NDE1: variants seen among roughly 807,000 people sequenced by gnomAD.
NDE1 encodes nuclear distribution protein nudE homolog 1.
A neutral mutation model predicts 43.4 loss-of-function variants in NDE1; 28 were observed. The observed-to-expected ratio is 0.65, with a 90% CI of 0.48 to 0.89. The LOEUF (loss-of-function observed/expected upper bound fraction) is 0.89. Among genes scored for constraint, NDE1 ranks in the 40% least tolerant of loss-of-function variants. The pLI, the probability that NDE1 is intolerant of heterozygous loss-of-function variation, is 0.00. For synonymous variants in NDE1, 184 were observed against 172.0 expected (o/e 1.07, Z -0.55); for missense variants, 441 against 434.1 (o/e 1.02, Z -0.14).
At chr16:15,703,941 T>TGTTTTG (rs1361697784) in intron 8 of NDE1, 1 of 1,613,164 alleles carries the variant, frequency 6.2e-7, no homozygotes, top group African/African-American at 1.3e-5. Flanking sequence ...TTTGTTTGTT[T>TGTTTTG]GTTTTGGTTT....
At chr16:15,694,380 C>G in intron 7 of NDE1, 124 bp downstream of exon 7, 3 of 1,536,508 alleles carry the variant, frequency 2.0e-6, no homozygotes, top group East Asian at 4.9e-5. Flanking sequence ...GGGTCTTGCT[C>G]TGTTGCTCAG....
At chr16:15,675,184 G>A (rs2037804084) in intron 3 of NDE1, among the ~76,000 whole-genome samples, 2 of 151,924 alleles carry the variant, frequency 1.3e-5, no homozygotes, top group Admixed American at 1.3e-4. Flanking sequence ...CAGTGTGCCT[G>A]CCTGCCCGCC....
chr16:15,715,331 TGTGTCACCTGGAGGTGGC>T, intron 8 of NDE1: 1 of 1,547,496 alleles, frequency 6.5e-7, no homozygotes, highest in Non-Finnish European at 8.9e-7. Flanking sequence ...TTGTAGCTGG[TGTGTCACCTGGAGGTGGC>T]ATCTTGAGTG....
At chr16:15,711,335 A>C (rs2039781237) in intron 8 of NDE1, 1 of 152,066 alleles carries the variant, frequency 6.6e-6, no homozygotes, top group East Asian at 1.9e-4. Flanking sequence ...TTATGATGTC[A>C]GAGAGAGTCT....
intron 6 of NDE1, among the ~76,000 whole-genome samples, chr16:15,693,454 A>G (rs1048419078): frequency 6.6e-6 from 1 of 152,146 alleles, no homozygotes; most frequent in African/African-American, 2.4e-5. Context: ...TATGTTAATT[A>G]ACTATATGGA....
At position 15,694,186 on chromosome 16, in the gene NDE1, G is replaced by C. The variant is rs755657937; in HGVS notation, c.725G>C (p.Gly242Ala). The C allele has an allele frequency of 5.6e-6, 9 of 1,612,844 alleles. No homozygotes were observed. The highest frequency in any genetic ancestry group is 3.3e-5 in the Admixed American group (2 of 59,982). The change falls in exon 7 of 9, where the codon GGG becomes GCG. Residue 242 changes from glycine to alanine, a missense_variant. Gly to Ala is a moderately conservative substitution (Grantham distance 60). Transcript: ENST00000396354. Reference sequence around the variant, plus strand: ...CCAGGCCTGGACGACTCCACCGGGGGGACCCCCCTCACACCTGCGGCCCGG... The same window carrying C: ...CCAGGCCTGGACGACTCCACCGGGGCGACCCCCCTCACACCTGCGGCCCGG... ...FRRGLDDSTG[G>A]TPLTPAARIS...
At chr16:15,716,961 C>T (rs1165546383) in intron 8 of NDE1, among the ~76,000 whole-genome samples, 3 of 152,234 alleles carry the variant, frequency 2.0e-5, no homozygotes, top group Non-Finnish European at 4.4e-5. Context: ...GGCCAGGAAC[C>T]AGCAGGGCAC....
intron 8 of NDE1, chr16:15,717,503 G>C (rs755056617): frequency 1.4e-6 from 1 of 739,630 alleles, no homozygotes; most frequent in Non-Finnish European, 2.2e-6. Context: ...CCACTCAAGA[G>C]CTTCTTCCAG....
intron 3 of NDE1, among the ~76,000 whole-genome samples, chr16:15,672,486 A>G (rs1249015674): frequency 1.3e-5 from 2 of 152,158 alleles, no homozygotes; most frequent in Non-Finnish European, 2.9e-5. Context: ...CCCTGCCACC[A>G]GCAAGTATTT....
chr16:15,687,339 T>G, intron 4 of NDE1, 36 bp from the exon 5 acceptor site: 1 of 1,613,908 alleles, frequency 6.2e-7, no homozygotes, highest in Non-Finnish European at 8.5e-7. Context: ...TGCTGCGGTT[T>G]GTCCTCTTGG....
intron 3 of NDE1, among the ~76,000 whole-genome samples, chr16:15,675,134 G>A (rs2037800922): frequency 1.3e-5 from 2 of 152,104 alleles, no homozygotes; most frequent in South Asian, 4.2e-4. Flanking sequence ...TCAAGGGGCA[G>A]GAGGTGGGAG....
intron 8 of NDE1, chr16:15,717,091 T>C: frequency 6.3e-7 from 1 of 1,589,822 alleles, no homozygotes; most frequent in Non-Finnish European, 8.6e-7. Context: ...TGACTCCTGC[T>C]GTCCATCACC....
intron 8 of NDE1, chr16:15,708,725 G>T: frequency 6.9e-7 from 1 of 1,447,434 alleles, no homozygotes; most frequent in Non-Finnish European, 9.5e-7. Flanking sequence ...AAAAATTGGG[G>T]TGGGCAGAGG....
intron 8 of NDE1, among the ~76,000 whole-genome samples, chr16:15,710,234 C>A (rs2151177945): frequency 6.6e-6 from 1 of 152,280 alleles, no homozygotes; most frequent in Non-Finnish European, 1.5e-5. Flanking sequence ...TAAAGAATCA[C>A]TGGGCCGGCC....
In NDE1 at chr16:15,667,236, A is replaced by T. The variant is rs749611297; in HGVS notation, c.84-50A>T. 2.6e-5 allele frequency: 42 copies of T among 1,603,238 alleles called. No homozygotes were observed. The East Asian group carries it at 7.6e-4, about 29-fold the overall frequency. On this transcript the variant is annotated intron_variant, in intron 2 of 8. Coordinates refer to ENST00000396354, the MANE Select transcript of NDE1 (RefSeq NM_017668.3). The stretch of plus-strand genomic sequence containing the variant: ...ATTGCAGCCTGGGTGATAGAGCGAG[A>T]CTCTGTCTTCAAAAATATTACTACG...
intron 7 of NDE1, chr16:15,694,987 A>C: frequency 3.5e-6 from 3 of 852,858 alleles, no homozygotes; most frequent in Non-Finnish European, 4.2e-6. Flanking sequence ...CCCGGGCAAC[A>C]TGGTGAAACC....
At chr16:15,646,996 G>A (rs1396027759), upstream of NDE1, among the ~76,000 whole-genome samples, 2 of 152,106 alleles carry the variant, frequency 1.3e-5, no homozygotes, top group Non-Finnish European at 2.9e-5. Context: ...GTTGCAGTGA[G>A]CCGAGATTGC....
intron 1 of NDE1, among the ~76,000 whole-genome samples, chr16:15,655,936 A>G (rs1596544921): frequency 1.4e-5 from 2 of 141,284 alleles, no homozygotes; most frequent in Middle Eastern, 7.3e-3. Flanking sequence ...CAACGAGAAC[A>G]CATGGACACA....
intron 3 of NDE1, among the ~76,000 whole-genome samples, chr16:15,677,419 C>G (rs992836864): frequency 6.6e-6 from 1 of 152,048 alleles, no homozygotes; most frequent in East Asian, 1.9e-4. Flanking sequence ...AACCCGGTCT[C>G]TACTAAAAAT....
Sources: allele counts gnomAD v4.1 joint callset (sites outside exome capture counted in the v4.1 genomes callset), GRCh38; gene constraint gnomAD v4.1.1; transcripts MANE v1.5; gene names NCBI Gene and HGNC (gene_info 2026-07-23, HGNC 2026-07-21).